TRPA1: variants seen among roughly 807,000 people sequenced by gnomAD.
The protein encoded by TRPA1 is ankyrin-like with transmembrane domains 1.
In TRPA1, 129 loss-of-function variants were observed where a neutral mutation model predicts 131.3. The ratio of observed to expected loss-of-function variants is 0.98; its 90% CI spans 0.85 to 1.14. The LOEUF is 1.14. Ranked by LOEUF, TRPA1 falls within the 50% of genes most tolerant of loss-of-function variation. The pLI is 0.00. For missense variants in TRPA1, 1,304 were observed against 1,354.2 expected, an observed-to-expected ratio of 0.96 and a Z score of 0.58; for synonymous variants, 441 against 451.7, an observed-to-expected ratio of 0.98 and a Z score of 0.30.
chr8:72,077,593 G>T (rs2587559), upstream of TRPA1, among the ~76,000 whole-genome samples: 1 of 151,956 alleles, frequency 6.6e-6, no homozygotes, highest in Admixed American at 6.6e-5. Flanking sequence ...AAATATTATG[G>T]GGGTCTTGTT....
chr8:72,060,317 T>A (rs1013337368), intron 7 of TRPA1: 6 of 152,198 alleles, frequency 3.9e-5, no homozygotes, highest in East Asian at 1.9e-4. Context: ...AAGAGTTTTT[T>A]TCTTTAATTC....
At chr8:72,061,585 A>G (rs1231287637) in intron 7 of TRPA1, 40 bp downstream of exon 7, 1 of 1,612,550 alleles carries the variant, frequency 6.2e-7, no homozygotes, top group Non-Finnish European at 8.5e-7. Context: ...ACTCATGAAG[A>G]TGAAAAATCT....
At chr8:72,052,556 C>T (rs755394754) in intron 14 of TRPA1, 43 bp downstream of exon 14, 67 of 1,610,814 alleles carry the variant, frequency 4.2e-5, no homozygotes, top group Middle Eastern at 3.3e-4. Context: ...ATCATCCCAA[C>T]ACCAGAGAAC....
Position 72,063,505 on chromosome 8 carries a change from A to C in TRPA1, c.619T>G (p.Phe207Val), listed in dbSNP as rs370494537. The C allele has an allele frequency of 1.2e-6, 2 of 1,613,970 alleles. No homozygotes were observed. Among genetic ancestry groups the C allele is most frequent in the Non-Finnish European group, 1.7e-6 (2 of 1,179,902 alleles). Residue 207 changes from phenylalanine to valine, a missense_variant, in exon 5 of 27, where the codon TTT becomes GTT. Coordinates refer to ENST00000262209, the MANE Select transcript of TRPA1 (RefSeq NM_007332.3). ...TCCATGCATTCTTTGGAACCTGAAA[A>C]TGCAGCTTGGTGAATAGGGAAACAT... is the stretch of plus-strand genomic sequence containing the variant. The part of the protein sequence containing the change: ...WGCFPIHQAA[F>V]SGSKECMEII...
intron 8 of TRPA1, among the ~76,000 whole-genome samples, chr8:72,058,400 A>G (rs1057323430): frequency 1.3e-5 from 2 of 152,228 alleles, no homozygotes; most frequent in Non-Finnish European, 2.9e-5. Context: ...TAACCATTAC[A>G]TATTATAATA....
At chr8:72,063,177 C>T (rs745890931) in intron 5 of TRPA1, among the ~76,000 whole-genome samples, 8 of 151,882 alleles carry the variant, frequency 5.3e-5, no homozygotes, top group East Asian at 1.9e-4. Flanking sequence ...GTCAGGAGAT[C>T]GAGACCAGCC....
At chr8:72,045,621 G>A (rs913872755) in intron 17 of TRPA1, among the ~76,000 whole-genome samples, 2 of 149,808 alleles carry the variant, frequency 1.3e-5, no homozygotes, top group East Asian at 2.0e-4. Flanking sequence ...AATATGTTTT[G>A]TTTTACATGC....
chr8:72,062,920 T>G lies in TRPA1; in HGVS notation c.686A>C (p.Gln229Pro). Residue 229 changes from glutamine (Q) to proline (P), a missense_variant, in exon 6 of 27, where the codon CAG (glutamine) becomes CCG (proline). Gln to Pro is a moderately conservative substitution (Grantham distance 76). Transcript: ENST00000262209. ...ATTATTCATAAAGTTAATGTGCAAC[T>G]GTCTACTGTACCCATGCTCTTCACC... Reference protein sequence around the residue: ...RFGEEHGYSRQLHINFMNNGK... With the variant: ...RFGEEHGYSRPLHINFMNNGK... 6.2e-7 allele frequency: 1 copy of G among 1,613,978 alleles called. No individual in the cohort carries two copies. The highest frequency in any genetic ancestry group is 8.5e-7 in the Non-Finnish European group (1 of 1,179,958).
intron 24 of TRPA1, among the ~76,000 whole-genome samples, chr8:72,026,495 T>A (rs1426595860): frequency 6.6e-6 from 1 of 152,196 alleles, no homozygotes; most frequent in Non-Finnish European, 1.5e-5. Context: ...TGTGTGCACG[T>A]GCACACATGT....
chr8:72,082,198 G>A, the TRPA1 span, among the ~76,000 whole-genome samples: 1 of 151,912 alleles, frequency 6.6e-6, no homozygotes, highest in South Asian at 2.1e-4. Context: ...GTCTACTTTA[G>A]ATTAATACTT....
chr8:72,034,445 T>C, intron 21 of TRPA1, 68 bp from the exon 22 acceptor site: 3 of 1,078,854 alleles, frequency 2.8e-6, no homozygotes, highest in Non-Finnish European at 4.0e-6. Context: ...AGTGACAATA[T>C]TTATCATGTA....
Position 72,022,991 on chromosome 8 carries a change from T to G in TRPA1, c.3275A>C (p.Lys1092Thr). 2 of 1,613,914 alleles carry G rather than the reference T, an allele frequency of 1.2e-6. No individual in the cohort carries two copies. The highest frequency in any genetic ancestry group is 1.7e-6 in the Non-Finnish European group (2 of 1,179,880). The change falls in exon 27 of 27, where the codon AAG becomes ACG. Residue 1092 changes from lysine to threonine, a missense_variant. Coordinates refer to ENST00000262209, the MANE Select transcript of TRPA1 (RefSeq NM_007332.3). ...ATTCCTTTGTTCCATCTGCTCTTTC[T>G]TAAACCTGTCTTGAAAAGAACAATG... Reference protein sequence around the residue: ...DSHCSFQDRFKKEQMEQRNSR... With the variant: ...DSHCSFQDRFTKEQMEQRNSR...
chr8:72,077,295 G>GT (rs1164273726), upstream of TRPA1, among the ~76,000 whole-genome samples: 5 of 147,098 alleles, frequency 3.4e-5, no homozygotes, highest in Non-Finnish European at 7.6e-5. Flanking sequence ...AGGGGTGGGG[G>GT]GGGGGGCAGC....
intron 13 of TRPA1, 170 bp downstream of exon 13, chr8:72,053,583 C>G: frequency 1.5e-6 from 1 of 651,526 alleles, no homozygotes; most frequent in Non-Finnish European, 2.8e-6. Context: ...TCTCCCAATT[C>G]TGTTGCCTTT....
chr8:72,075,481 G>C lies in TRPA1; in HGVS notation c.-72C>G. 1.5e-6 allele frequency: 2 copies of C among 1,292,062 alleles called. No individual in the cohort carries two copies. Among genetic ancestry groups the C allele is most frequent in the Non-Finnish European group, 2.2e-6 (2 of 899,978 alleles). The allele number at this position is 1,292,062 out of a possible 1,614,324, so 80.0% of individuals were successfully genotyped here. Reference sequence around the variant, plus strand: ...CGGGCACCTGGGGCGAGAGAGCGCTGTCAGCCTGCCAGGCGCTGGGGTCCG... The same window carrying C: ...CGGGCACCTGGGGCGAGAGAGCGCTCTCAGCCTGCCAGGCGCTGGGGTCCG... On this transcript the variant is annotated 5_prime_UTR_variant, in exon 1 of 27. Transcript: ENST00000262209.
intron 26 of TRPA1, 86 bp from the exon 27 acceptor site, chr8:72,023,202 G>T (rs1057159126): frequency 2.4e-6 from 1 of 410,088 alleles, no homozygotes. Flanking sequence ...TTTTAACCTC[G>T]GTCCCTTCTG....
At chr8:72,042,379 G>A (rs918154970) in intron 17 of TRPA1, among the ~76,000 whole-genome samples, 3 of 151,882 alleles carry the variant, frequency 2.0e-5, no homozygotes, top group East Asian at 1.9e-4. Context: ...CTTCGCATCC[G>A]TTAGGTTGGC....
chr8:72,065,596 G>C (rs1343353657), intron 3 of TRPA1, 38 bp from the exon 4 acceptor site: 1 of 1,536,628 alleles, frequency 6.5e-7, no homozygotes, highest in Non-Finnish European at 9.0e-7. Context: ...AATTTTTGCA[G>C]ATTTCCAAAT....
At chr8:72,070,694 C>T (rs1806040266) in intron 2 of TRPA1, among the ~76,000 whole-genome samples, 1 of 152,162 alleles carries the variant, frequency 6.6e-6, no homozygotes, top group Non-Finnish European at 1.5e-5. Context: ...TGCCATCTGT[C>T]TCTTGATGTT....
Sources: gnomAD v4.1 joint callset for allele counts (sites outside exome capture counted in the v4.1 genomes callset) on GRCh38, gnomAD v4.1.1 for gene constraint, MANE v1.5 for transcripts, NCBI Gene and HGNC (gene_info 2026-07-23, HGNC 2026-07-21) for gene names.